Variants in CLVS1 observed in about 807,000 individuals in gnomAD.
CLVS1 encodes clavesin-1.
In CLVS1, 10 loss-of-function variants were observed where a neutral mutation model predicts 33.1. That is an observed-to-expected ratio of 0.30 (90% CI 0.19 to 0.51). The LOEUF is 0.51. CLVS1 is among the 20% of genes least tolerant of loss of function. The pLI is 0.97. For missense variants in CLVS1, 343 were observed against 433.4 expected, an observed-to-expected ratio of 0.79 and a Z score of 1.85; for synonymous variants, 163 against 166.1, an observed-to-expected ratio of 0.98 and a Z score of 0.14.
the CLVS1 span, among the ~76,000 whole-genome samples, chr8:61,038,722 C>A: frequency 2.0e-5 from 3 of 152,130 alleles, no homozygotes; most frequent in East Asian, 5.8e-4. Flanking sequence ...TGTGAACGTG[C>A]ATGTGTCTTC....
chr8:61,009,886 T>A, the CLVS1 span, among the ~76,000 whole-genome samples: 1 of 152,236 alleles, frequency 6.6e-6, no homozygotes, highest in South Asian at 2.1e-4. Flanking sequence ...CCTCATCTTG[T>A]CTATATAAGA....
At chr8:61,214,486 G>T (rs1808043269) in intron 2 of CLVS1, among the ~76,000 whole-genome samples, 1 of 152,124 alleles carries the variant, frequency 6.6e-6, no homozygotes, top group African/African-American at 2.4e-5. Flanking sequence ...GACTATCGGG[G>T]CAGGTTCCCC....
intron 2 of CLVS1, among the ~76,000 whole-genome samples, chr8:61,198,031 G>A (rs1807651993): frequency 6.6e-6 from 1 of 152,162 alleles, no homozygotes. Flanking sequence ...TTAAAGCCAG[G>A]TGCTATGATT....
intron 2 of CLVS1, among the ~76,000 whole-genome samples, chr8:61,266,731 T>G (rs1305470686): frequency 6.6e-6 from 1 of 152,226 alleles, no homozygotes; most frequent in Non-Finnish European, 1.5e-5. Flanking sequence ...TTTTCCCCTC[T>G]TCCAATAATC....
At chr8:61,073,629 A>G (rs930277255) in intron 1 of CLVS1, among the ~76,000 whole-genome samples, 3 of 152,072 alleles carry the variant, frequency 2.0e-5, no homozygotes, top group Non-Finnish European at 4.4e-5. Context: ...TATAACTTAA[A>G]TAATATCTAT....
the CLVS1 span, among the ~76,000 whole-genome samples, chr8:61,048,383 C>T: frequency 6.6e-6 from 1 of 152,174 alleles, no homozygotes; most frequent in Non-Finnish European, 1.5e-5. Flanking sequence ...CAGAATCCCG[C>T]AGAAGCCATG....
chr8:61,032,440 G>T, the CLVS1 span, among the ~76,000 whole-genome samples: 1 of 152,210 alleles, frequency 6.6e-6, no homozygotes, highest in Non-Finnish European at 1.5e-5. Context: ...GTGTGTCAGA[G>T]TCCTTTTTGG....
the CLVS1 span, among the ~76,000 whole-genome samples, chr8:60,982,784 A>T: frequency 2.0e-5 from 3 of 152,208 alleles, no homozygotes; most frequent in African/African-American, 7.2e-5. Context: ...CTCCTTGAAA[A>T]TGTGATGCTG....
At chr8:61,028,168 T>G in the CLVS1 span, among the ~76,000 whole-genome samples, 1 of 152,240 alleles carries the variant, frequency 6.6e-6, no homozygotes, top group African/African-American at 2.4e-5. Flanking sequence ...CAAATCTATT[T>G]GGCAAGGCAG....
intron 3 of CLVS1, among the ~76,000 whole-genome samples, chr8:61,436,859 G>C (rs1014794775): frequency 6.6e-6 from 1 of 152,122 alleles, no homozygotes; most frequent in Non-Finnish European, 1.5e-5. Flanking sequence ...TAGATTAATA[G>C]GAGAAAAGGC....
chr8:61,174,482 T>C (rs1340950616), intron 2 of CLVS1, among the ~76,000 whole-genome samples: 1 of 151,814 alleles, frequency 6.6e-6, no homozygotes, highest in East Asian at 1.9e-4. Context: ...AACCATATAT[T>C]TTAAAGACCA....
Position 61,109,467 on chromosome 8 carries a change from AG to A in CLVS1, c.-242-22302del, listed in dbSNP as rs755726610. 3.9e-5 allele frequency among the ~76,000 whole-genome samples: 6 copies of A among 152,272 alleles called. No homozygotes were observed. In the East Asian group the frequency reaches 7.7e-4, roughly 20 times the overall value. On this transcript the variant is annotated intron_variant, in intron 1 of 2. Coordinates refer to the CLVS1 transcript ENST00000522621. ...AATATAACCAAATATATTACACAAT[AG>A]AATATATAATAACATAAATATTTAT...
At chr8:61,084,514 A>C (rs750873157) in intron 1 of CLVS1, among the ~76,000 whole-genome samples, 2 of 152,336 alleles carry the variant, frequency 1.3e-5, no homozygotes, top group South Asian at 4.1e-4. Context: ...GATGCTGCTA[A>C]ACATCCTGCA....
chr8:61,022,918 G>A, the CLVS1 span, among the ~76,000 whole-genome samples: 1 of 152,178 alleles, frequency 6.6e-6, no homozygotes, highest in Non-Finnish European at 1.5e-5. Flanking sequence ...TAATGTGTGC[G>A]CCGGAGCTAC....
chr8:61,190,506 C>T (rs1225271623), intron 2 of CLVS1, among the ~76,000 whole-genome samples: 1 of 152,048 alleles, frequency 6.6e-6, no homozygotes, highest in Non-Finnish European at 1.5e-5. Context: ...TAGCAGAAGA[C>T]AAGAAATAAC....
At chr8:61,269,951 G>C (rs866344396) in intron 2 of CLVS1, among the ~76,000 whole-genome samples, 1 of 140,836 alleles carries the variant, frequency 7.1e-6, no homozygotes, top group Non-Finnish European at 1.6e-5. Flanking sequence ...CAATCATGTC[G>C]TCTGCAAACA....
At chr8:61,296,781 T>C (rs1228309891) in intron 1 of CLVS1, among the ~76,000 whole-genome samples, 2 of 152,188 alleles carry the variant, frequency 1.3e-5, no homozygotes, top group African/African-American at 4.8e-5. Context: ...TCGCAGGCAC[T>C]GTATGAGGCA....
the CLVS1 span, among the ~76,000 whole-genome samples, chr8:60,978,512 C>A: frequency 6.6e-6 from 1 of 151,960 alleles, no homozygotes; most frequent in Non-Finnish European, 1.5e-5. Context: ...CCAAGGTAAC[C>A]ACTAAGAAAT....
chr8:61,203,045 C>T (rs1433322779), intron 2 of CLVS1: 1 of 1,310,864 alleles, frequency 7.6e-7, no homozygotes, highest in East Asian at 2.3e-5. Flanking sequence ...GAAAAAAACT[C>T]CTAAAACACC....
Sources: allele counts gnomAD v4.1 joint callset (sites outside exome capture counted in the v4.1 genomes callset), GRCh38; gene constraint gnomAD v4.1.1; transcripts MANE v1.5; gene names NCBI Gene and HGNC (gene_info 2026-07-23, HGNC 2026-07-21).